The following STEEP1 variants were observed in gnomAD, a reference collection of about 807,000 sequenced individuals.
STEEP1 encodes STING ER exit protein.
A neutral mutation model predicts 19.2 loss-of-function variants in STEEP1; 3 were observed. The observed-to-expected ratio is 0.16, with a 90% CI of 0.07 to 0.40. STEEP1 has a LOEUF of 0.40. STEEP1 is among the 10% of genes least tolerant of loss of function. STEEP1 has a pLI of 0.99. For missense variants in STEEP1, 54 were observed against 177.1 expected, an observed-to-expected ratio of 0.30 and a Z score of 3.94; for synonymous variants, 46 against 63.7, an observed-to-expected ratio of 0.72 and a Z score of 1.32.
intron 2 of STEEP1, among the ~76,000 whole-genome samples, chrX:119,548,855 G>A (rs574634867): frequency 3.0e-4 from 34 of 111,901 alleles, no homozygotes; most frequent in African/African-American, 9.4e-4. Context: ...AAGGTGGCAC[G>A]CACGCACACA....
At chrX:119,540,518 G>A (rs1360023375) in intron 6 of STEEP1, among the ~76,000 whole-genome samples, 2 of 110,700 alleles carry the variant, frequency 1.8e-5, no homozygotes, top group South Asian at 3.7e-4. Flanking sequence ...TGATTTTGAT[G>A]AAATATTTTA....
At chrX:119,544,253 T>A in intron 4 of STEEP1, 100 bp downstream of exon 4, 2 of 597,086 alleles carry the variant, frequency 3.3e-6, no homozygotes, top group East Asian at 3.5e-5. Context: ...ATAAAAAGAA[T>A]ACATCCATAA....
At chrX:119,563,543 C>G (rs1488801061) in intron 1 of STEEP1, among the ~76,000 whole-genome samples, 1 of 95,439 alleles carries the variant, frequency 1.0e-5, no homozygotes, top group African/African-American at 4.0e-5. Flanking sequence ...AGCGAAACTC[C>G]ATCTCAAAAA....
At chrX:119,545,189 A>G (rs754862845) in intron 3 of STEEP1, among the ~76,000 whole-genome samples, 1 of 59,849 alleles carries the variant, frequency 1.7e-5, no homozygotes, top group East Asian at 9.0e-4. Context: ...CCCTGTCTCT[A>G]CTAAAATACA....
At chrX:119,546,871 C>T (rs765546452) in intron 2 of STEEP1, among the ~76,000 whole-genome samples, 48 of 111,885 alleles carry the variant, frequency 4.3e-4, no homozygotes, top group African/African-American at 1.4e-3. Flanking sequence ...ACTCCCTGGA[C>T]GACTGTAACA....
intron 1 of STEEP1, among the ~76,000 whole-genome samples, chrX:119,562,741 A>AGG (rs1347717598): frequency 1.8e-5 from 2 of 110,299 alleles, no homozygotes; most frequent in Admixed American, 2.0e-4. Flanking sequence ...CTAGTGGAAG[A>AGG]GGCAACATAT....
intron 2 of STEEP1, among the ~76,000 whole-genome samples, 192 bp downstream of exon 2, chrX:119,560,076 A>C (rs2053310611): frequency 8.9e-6 from 1 of 111,739 alleles, no homozygotes; most frequent in African/African-American, 3.2e-5. Context: ...AAGCAATGGA[A>C]TCACATGTGA....
At chrX:119,553,557 C>G (rs1370016053) in intron 2 of STEEP1, among the ~76,000 whole-genome samples, 1 of 111,686 alleles carries the variant, frequency 9.0e-6, no homozygotes, top group Non-Finnish European at 1.9e-5. Flanking sequence ...TGACCATCAT[C>G]TTTAATGTTC....
intron 1 of STEEP1, among the ~76,000 whole-genome samples, chrX:119,564,514 A>G (rs867336898): frequency 5.0e-4 from 38 of 75,905 alleles, no homozygotes; most frequent in African/African-American, 1.2e-3. Context: ...GGGGGGGGGG[A>G]AATACGAGGT....
chrX:119,550,414 A>G (rs1045231295), intron 2 of STEEP1, among the ~76,000 whole-genome samples: 14 of 111,625 alleles, frequency 1.3e-4, no homozygotes, highest in Non-Finnish European at 2.3e-4. Flanking sequence ...ACCCATACAT[A>G]TATGGTTAAC....
chrX:119,545,141 G>T (rs2053192638), intron 3 of STEEP1, among the ~76,000 whole-genome samples: 1 of 106,977 alleles, frequency 9.3e-6, no homozygotes, highest in African/African-American at 3.4e-5. Flanking sequence ...ATGAACTCAG[G>T]TCAGGAGTTC....
intron 6 of STEEP1, among the ~76,000 whole-genome samples, chrX:119,540,316 A>G (rs1416339235): frequency 8.9e-6 from 1 of 111,937 alleles, no homozygotes; most frequent in Non-Finnish European, 1.9e-5. Context: ...TATAAATTAC[A>G]AATCTGTTCA....
intron 2 of STEEP1, among the ~76,000 whole-genome samples, chrX:119,556,261 T>C (rs906706242): frequency 3.6e-5 from 4 of 110,887 alleles, no homozygotes; most frequent in African/African-American, 1.3e-4. Context: ...GACTGGAATA[T>C]GCACCCTAAC....
At chrX:119,552,301 G>A (rs2053248501) in intron 2 of STEEP1, among the ~76,000 whole-genome samples, 1 of 112,130 alleles carries the variant, frequency 8.9e-6, no homozygotes. Flanking sequence ...GCCTCCCAAA[G>A]TGCTAGGATT....
At chrX:119,564,075 G>A (rs1407485358) in intron 1 of STEEP1, among the ~76,000 whole-genome samples, 1 of 111,682 alleles carries the variant, frequency 9.0e-6, no homozygotes, top group Non-Finnish European at 1.9e-5. Context: ...CATGTCAGTT[G>A]TATTTAAAGC....
At chrX:119,544,010 C>T (rs1423941827) in intron 4 of STEEP1, among the ~76,000 whole-genome samples, 3 of 110,839 alleles carry the variant, frequency 2.7e-5, no homozygotes, top group Non-Finnish European at 3.8e-5. Context: ...AAATGGCACC[C>T]GATTAATAAA....
At chrX:119,550,788 G>A (rs980895826) in intron 2 of STEEP1, among the ~76,000 whole-genome samples, 18 of 111,334 alleles carry the variant, frequency 1.6e-4, no homozygotes, top group African/African-American at 2.6e-4. Context: ...CCTCAGCCCC[G>A]AGCAGCTGAG....
rs1346720856 is a variant in STEEP1, at chrX:119,539,547, A to AG, written c.*179_*180insC. ...CTTTATCTCAAAAAAAAAAAAAAAA[A>AG]AAAGAAAGCAAGTTAAATGGACTCA... On this transcript the variant is annotated 3_prime_UTR_variant, in exon 7 of 7. Coordinates refer to ENST00000644802, the MANE Select transcript of STEEP1 (RefSeq NM_022101.4). 0.03 allele frequency: 10,556 copies of AG among 354,091 alleles called. 115 individuals are homozygous for AG. Among genetic ancestry groups the AG allele is most frequent in the South Asian group, 0.041 (636 of 15,531 alleles). 29.2% of individuals were successfully genotyped at this position (354,091 alleles called of 1,213,427 possible).
chrX:119,542,644 C>T (rs769996633), intron 4 of STEEP1, 50 bp from the exon 5 acceptor site: 1 of 947,659 alleles, frequency 1.1e-6, no homozygotes, highest in South Asian at 2.0e-5. Flanking sequence ...AAACAGGATC[C>T]ATGAGCCGTG....
Sources: allele counts gnomAD v4.1 joint callset (sites outside exome capture counted in the v4.1 genomes callset), GRCh38; gene constraint gnomAD v4.1.1; transcripts MANE v1.5; gene names NCBI Gene and HGNC (gene_info 2026-07-23, HGNC 2026-07-21).